CC2D2A: variants seen among roughly 807,000 people sequenced by gnomAD.
CC2D2A encodes coiled-coil and C2 domain containing 2A, also known as coiled-coil and C2 domain-containing protein 2A.
Under a neutral mutation model 212.9 loss-of-function variants are expected in CC2D2A, and 155 were observed. The ratio of observed to expected loss-of-function variants is 0.73; its 90% CI spans 0.64 to 0.83. The LOEUF is 0.83. CC2D2A is among the 40% of genes least tolerant of loss of function. CC2D2A has a pLI of 0.00. For missense variants in CC2D2A, 1,856 were observed against 1,956.2 expected (o/e 0.95, Z 0.97); for synonymous variants, 667 against 686.5 (o/e 0.97, Z 0.44).
At chr4:15,576,308 T>C in intron 29 of CC2D2A, 2 of 793,512 alleles carry the variant, frequency 2.5e-6, no homozygotes, top group Non-Finnish European at 3.1e-6. Context: ...AAAGAGAAGG[T>C]CTCATCCTAA....
At position 15,502,423 on chromosome 4, in the gene CC2D2A, T is replaced by C. The variant is rs1187812082; in HGVS notation, c.248-6T>C. 3.1e-6 allele frequency: 5 copies of C among 1,590,230 alleles called. No individual in the cohort carries two copies. The highest frequency in any genetic ancestry group is 4.3e-6 in the Non-Finnish European group (5 of 1,172,906). ...ATTTTGTTTTGTTTTTGTTTTTGTTTTTTAGGCTTACCTCCAATTCCTTCA... is the reference window on the plus strand; with the variant it reads ...ATTTTGTTTTGTTTTTGTTTTTGTTCTTTAGGCTTACCTCCAATTCCTTCA... On this transcript the variant is annotated splice_polypyrimidine_tract_variant and splice_region_variant and intron_variant, in intron 4 of 36. Transcript: ENST00000424120.
intron 4 of CC2D2A, chr4:15,482,209 A>C (rs1405412474): frequency 3.0e-6 from 3 of 985,254 alleles, no homozygotes; most frequent in Non-Finnish European, 3.6e-6. Context: ...TCTAATCTAA[A>C]AGCAATGATA....
chr4:15,501,808 T>C (rs778583621), intron 4 of CC2D2A, among the ~76,000 whole-genome samples: 4 of 151,954 alleles, frequency 2.6e-5, no homozygotes, highest in Non-Finnish European at 4.4e-5. Flanking sequence ...AGCAGAAAAA[T>C]TGTTGAGAAA....
chr4:15,596,207 G>A lies in CC2D2A; in HGVS notation c.4437G>A (p.Gln1479=), dbSNP rs878854168. The change falls in exon 34 of 37, where the codon CAG becomes CAA. Residue 1479 remains glutamine, a splice_region_variant and synonymous_variant. Coordinates refer to ENST00000424120, the MANE Select transcript of CC2D2A (RefSeq NM_001378615.1). The part of the protein sequence containing the change: ...SLPYPGLSSV[Q]PEELIYQRSD... ...CATATCCTGGCCTTTCCAGTGTTCA[G>A]GTATAAATCTTTTATTAACAGTTAA... The A allele has an allele frequency of 6.6e-7, 1 of 1,509,840 alleles. No homozygotes were observed. The highest frequency in any genetic ancestry group is 8.9e-7 in the Non-Finnish European group (1 of 1,129,660). The allele number at this position is 1,509,840 out of a possible 1,614,324, so 93.5% of individuals were successfully genotyped here.
At chr4:15,508,827 A>G (rs772108350) in intron 6 of CC2D2A, among the ~76,000 whole-genome samples, 2 of 152,172 alleles carry the variant, frequency 1.3e-5, no homozygotes, top group African/African-American at 2.4e-5. Context: ...CTGTCCATAT[A>G]ATAATGATCA....
chr4:15,533,829 TGTTACAGA>T (rs1470477898), intron 14 of CC2D2A, among the ~76,000 whole-genome samples: 1 of 152,224 alleles, frequency 6.6e-6, no homozygotes, highest in African/African-American at 2.4e-5. Context: ...CATTTTCAAC[TGTTACAGA>T]AACCACTTCT....
Position 15,480,700 on chromosome 4 carries a change from C to G in CC2D2A, c.124-4C>G, listed in dbSNP as rs1714578065. On this transcript the variant is annotated splice_region_variant and splice_polypyrimidine_tract_variant and intron_variant, in intron 3 of 36. Coordinates refer to ENST00000424120, the MANE Select transcript of CC2D2A (RefSeq NM_001378615.1). ...TCTCTGAACCTCTGACCTTCTTCCTCCAGCCACCAACTGCTGTCCCCAAGG... is the reference window on the plus strand; with the variant it reads ...TCTCTGAACCTCTGACCTTCTTCCTGCAGCCACCAACTGCTGTCCCCAAGG... 6.2e-7 allele frequency: 1 copy of G among 1,608,414 alleles called. No individual in the cohort carries two copies. Among genetic ancestry groups the G allele is most frequent in the Non-Finnish European group, 8.5e-7 (1 of 1,177,594 alleles).
chr4:15,495,685 G>T (rs1288289975), intron 4 of CC2D2A, among the ~76,000 whole-genome samples: 1 of 152,172 alleles, frequency 6.6e-6, no homozygotes, highest in African/African-American at 2.4e-5. Context: ...ATAGTGCTGT[G>T]ATGGGCATGT....
chr4:15,494,895 C>T (rs946545190), intron 4 of CC2D2A, among the ~76,000 whole-genome samples: 2 of 152,072 alleles, frequency 1.3e-5, no homozygotes, highest in African/African-American at 4.8e-5. Flanking sequence ...ATGGTGACTT[C>T]ACAAATTATT....
intron 11 of CC2D2A, among the ~76,000 whole-genome samples, chr4:15,525,633 G>A (rs1717466120): frequency 6.6e-6 from 1 of 152,172 alleles, no homozygotes; most frequent in South Asian, 2.1e-4. Context: ...AAAGACCAGT[G>A]GAAGCTGATC....
intron 11 of CC2D2A, among the ~76,000 whole-genome samples, chr4:15,526,131 T>A (rs1027918360): frequency 1.3e-5 from 2 of 152,238 alleles, no homozygotes; most frequent in South Asian, 4.1e-4. Context: ...CCAGACTTCA[T>A]GCTTTTAGAT....
At chr4:15,552,155 C>G (rs781216315) in intron 18 of CC2D2A, among the ~76,000 whole-genome samples, 18 of 152,168 alleles carry the variant, frequency 1.2e-4, no homozygotes, top group Non-Finnish European at 2.6e-4. Flanking sequence ...AGCGTTTTTA[C>G]CATTAAATTC....
intron 6 of CC2D2A, among the ~76,000 whole-genome samples, chr4:15,503,605 G>C (rs1716093184): frequency 6.9e-6 from 1 of 145,114 alleles, no homozygotes; most frequent in Admixed American, 7.1e-5. Context: ...AGAGATAAAA[G>C]TGCAGCAGAA....
At chr4:15,510,116 A>G (rs778750296) in intron 6 of CC2D2A, 23 bp from the exon 7 acceptor site, 2 of 1,562,996 alleles carry the variant, frequency 1.3e-6, no homozygotes, top group South Asian at 2.2e-5. Context: ...TGGTTTATCT[A>G]TCATTTTTTT....
rs1716029657 is a variant in CC2D2A at position 15,502,718 on chromosome 4, T to G, written c.337-104T>G. 5 of 1,130,486 alleles carry G rather than the reference T, an allele frequency of 4.4e-6. No individual in the cohort carries two copies. The Admixed American group carries it at 1.3e-4, about 29-fold the overall frequency. 70.0% of individuals were successfully genotyped at this position (1,130,486 alleles called of 1,614,324 possible). On this transcript the variant is annotated intron_variant, in intron 5 of 36. Coordinates refer to ENST00000424120, the MANE Select transcript of CC2D2A (RefSeq NM_001378615.1). ...ATTTAATGTCACTTTTCTGAACCAT[T>G]TTCCTTGCTCTTCCCCTTAAAGAAG...
At chr4:15,500,115 A>G (rs77194764) in intron 4 of CC2D2A, among the ~76,000 whole-genome samples, 17,973 of 138,110 alleles carry the variant, frequency 0.13, 1,322 homozygotes, top group East Asian at 0.35. Flanking sequence ...GTGTATATAT[A>G]TATATATATA....
At chr4:15,524,604 C>T (rs1225834587) in intron 11 of CC2D2A, among the ~76,000 whole-genome samples, 1 of 151,954 alleles carries the variant, frequency 6.6e-6, no homozygotes, top group Non-Finnish European at 1.5e-5. Flanking sequence ...GTGCCCGCCA[C>T]CACGCTCGGC....
intron 21 of CC2D2A, among the ~76,000 whole-genome samples, chr4:15,558,432 G>C (rs1409171459): frequency 2.0e-5 from 3 of 152,094 alleles, no homozygotes; most frequent in Middle Eastern, 3.2e-3. Flanking sequence ...CGTGTGAATG[G>C]CATGAGTGCA....
At position 15,537,883 on chromosome 4, in the gene CC2D2A, G is replaced by T; in HGVS notation, c.1765-16G>T. 6.3e-7 allele frequency: 1 copy of T among 1,576,448 alleles called. No homozygotes were observed. Among genetic ancestry groups the T allele is most frequent in the Non-Finnish European group, 8.6e-7 (1 of 1,161,158 alleles). On this transcript the variant is annotated splice_polypyrimidine_tract_variant and intron_variant, in intron 15 of 36. Coordinates refer to ENST00000424120, the MANE Select transcript of CC2D2A (RefSeq NM_001378615.1). ...CAAAATTCCTGTTTGATATCATGTT[G>T]CCTCTAACTCAACAGAGGGCCAAGA...
Sources: gnomAD v4.1 joint callset for allele counts (sites outside exome capture counted in the v4.1 genomes callset) on GRCh38, gnomAD v4.1.1 for gene constraint, MANE v1.5 for transcripts, NCBI Gene and HGNC (gene_info 2026-07-23, HGNC 2026-07-21) for gene names.